UBXN11: variants seen among roughly 807,000 people sequenced by gnomAD.
UBXN11 encodes the protein UBX domain protein 11, also known as UBX domain-containing protein 11.
A neutral mutation model predicts 62.8 loss-of-function variants in UBXN11; 47 were observed. The observed-to-expected ratio is 0.75, with a 90% confidence interval of 0.59 to 0.95. UBXN11 has a LOEUF of 0.95. Among genes scored for constraint, UBXN11 ranks in the 40% least tolerant of loss-of-function variants. The pLI is 0.00. For missense variants in UBXN11, 638 were observed against 661.7 expected, an observed-to-expected ratio of 0.96 and a Z score of 0.39; for synonymous variants, 294 against 267.0, an observed-to-expected ratio of 1.10 and a Z score of -0.99.
In UBXN11 at chr1:26,282,462, A is replaced by C. The variant is rs2124628668; in HGVS notation, c.1400T>G (p.Leu467Arg). The change falls in exon 15 of 15, where the codon CTG (leucine) becomes CGG (arginine). Residue 467 changes from leucine (L) to arginine (R), a missense_variant. Leu to Arg is a moderately radical substitution (Grantham distance 102, BLOSUM62 -2). Transcript: ENST00000374222. ...CGGGGCTCGGCGTGCCCGCAGCAGC[A>C]GTGCTGCTTTGGGCACAAGGCCTGC... is the stretch of plus-strand genomic sequence containing the variant. ...QAAGLVPKAALLLRARRAPKS... is the reference protein window; with the variant it reads ...QAAGLVPKAARLLRARRAPKS... 6.2e-7 allele frequency: 1 copy of C among 1,607,074 alleles called. No individual in the cohort carries two copies. The highest frequency in any genetic ancestry group is 1.1e-5 in the South Asian group (1 of 90,792).
chr1:26,301,771 G>A (rs1431218499), intron 2 of UBXN11, 49 bp from the exon 3 acceptor site: 1 of 1,611,678 alleles, frequency 6.2e-7, no homozygotes, highest in Non-Finnish European at 8.5e-7. Flanking sequence ...AGGGCCCCTG[G>A]AATGATACCA....
Position 26,303,521 on chromosome 1 carries a change from G to C in UBXN11, c.-35-603C>G, listed in dbSNP as rs150679773. On this transcript the variant is annotated intron_variant, in intron 1 of 14. Coordinates refer to ENST00000374222, the MANE Select transcript of UBXN11 (RefSeq NM_001389556.1). ...CTCCTGTAGTCCCAGCTACTTGGGA[G>C]TCTGAGGCACGAGAATCGCTTGAAC... Among the ~76,000 whole-genome samples the C allele has an allele frequency of 6.2e-3, 940 of 151,068 alleles. 10 individuals carry two copies. Among genetic ancestry groups the C allele is most frequent in the African/African-American group, 0.02 (831 of 41,098 alleles).
intron 4 of UBXN11, among the ~76,000 whole-genome samples, chr1:26,298,780 G>GAAAA (rs11368453): frequency 1.8e-4 from 11 of 61,590 alleles, no homozygotes; most frequent in South Asian, 5.2e-4. Context: ...CTCTGTCTCA[G>GAAAA]AAAAAAAAAA....
chr1:26,299,511 CA>C (rs71581050), intron 4 of UBXN11, among the ~76,000 whole-genome samples: 23 of 103,116 alleles, frequency 2.2e-4, no homozygotes, highest in East Asian at 9.9e-4. Flanking sequence ...AGGCAGTCTC[CA>C]AAAAAAAAAA....
Position 26,284,253 on chromosome 1 carries a change from C to T in UBXN11, c.974-8G>A, listed in dbSNP as rs576145944. On this transcript the variant is annotated splice_polypyrimidine_tract_variant and splice_region_variant and intron_variant, in intron 11 of 14. Transcript: ENST00000374222. ...CAGCAGTCATCCTGGAGCCTACAGG[C>T]AGAGTTGGGAACCGGGGCCCAGGAA... The T allele has an allele frequency of 6.2e-7, 1 of 1,609,590 alleles. No homozygotes were observed. Among genetic ancestry groups the T allele is most frequent in the East Asian group, 2.2e-5 (1 of 44,786 alleles).
intron 1 of UBXN11, chr1:26,306,283 C>T (rs1375380179): frequency 6.6e-6 from 1 of 152,370 alleles, no homozygotes; most frequent in East Asian, 1.9e-4. Flanking sequence ...CTGTGCTTGA[C>T]TCACAACATT....
intron 10 of UBXN11, chr1:26,285,031 T>C: frequency 1.0e-6 from 1 of 1,004,724 alleles, no homozygotes; most frequent in Non-Finnish European, 1.2e-6. Context: ...TGGTGGCACC[T>C]ACCCATGGGG....
intron 1 of UBXN11, among the ~76,000 whole-genome samples, chr1:26,305,361 T>C (rs1265068873): frequency 1.3e-5 from 2 of 152,246 alleles, no homozygotes; most frequent in Non-Finnish European, 2.9e-5. Flanking sequence ...ATAATTCACA[T>C]ATTTCACCTT....
At position 26,302,831 on chromosome 1, in the gene UBXN11, G is replaced by A. The variant is rs201437983; in HGVS notation, c.53C>T (p.Ser18Leu). Residue 18 changes from serine (S) to leucine (L), a missense_variant, in exon 2 of 15, where the codon TCG becomes TTG. Transcript: ENST00000374222. ...TCCTTACCCAGGATTCATAGGCTCC[G>A]AGGGCAGGGGCACTTTTCGGGTCTT... The part of the protein sequence containing the change: ...LSKTRKVPLP[S>L]EPMNPGRRGI... 3.3e-4 allele frequency: 531 copies of A among 1,613,768 alleles called. No individual in the cohort carries two copies. The highest frequency in any genetic ancestry group is 3.8e-4 in the Non-Finnish European group (452 of 1,179,810).
At chr1:26,312,979 CAAAAAAAA>C (rs55777309) in intron 1 of UBXN11, among the ~76,000 whole-genome samples, 16 of 48,150 alleles carry the variant, frequency 3.3e-4, no homozygotes, top group South Asian at 1.2e-3. Flanking sequence ...AACTCTGTCT[CAAAAAAAA>C]AAAAAAAAAA....
At chr1:26,318,080 A>G in exon 1 of UBXN11, 1 of 1,613,454 alleles carries the variant, frequency 6.2e-7, no homozygotes, top group Non-Finnish European at 8.5e-7. Context: ...AGGTAAGAGC[A>G]ACGCCTGGCA....
At chr1:26,307,291 AG>A (rs2073689387), upstream of UBXN11, among the ~76,000 whole-genome samples, 1 of 152,184 alleles carries the variant, frequency 6.6e-6, no homozygotes. Context: ...TGGAATTAGG[AG>A]TCCTGGCTCC....
At chr1:26,315,498 A>G (rs577499832) in intron 1 of UBXN11, among the ~76,000 whole-genome samples, 1 of 152,280 alleles carries the variant, frequency 6.6e-6, no homozygotes, top group African/African-American at 2.4e-5. Context: ...GACAGCTGAG[A>G]ACTTGAGTCA....
At chr1:26,313,787 T>TTTC (rs1336552904) in intron 1 of UBXN11, among the ~76,000 whole-genome samples, 1 of 150,248 alleles carries the variant, frequency 6.7e-6, no homozygotes, top group African/African-American at 2.4e-5. Context: ...TTTTTCTTTT[T>TTTC]TTTTTTTTTT....
upstream of UBXN11, chr1:26,306,824 C>CGGGG (rs1344172803): frequency 8.6e-3 from 44 of 5,134 alleles, 1 homozygote; most frequent in African/African-American, 0.013. Context: ...AGGTCCGGGG[C>CGGGG]GGGGTGGGGG....
At chr1:26,288,255 G>T (rs2073176852) in intron 8 of UBXN11, among the ~76,000 whole-genome samples, 1 of 152,114 alleles carries the variant, frequency 6.6e-6, no homozygotes, top group Non-Finnish European at 1.5e-5. Context: ...CCCAGGGCCG[G>T]GGGTTTTTCA....
At chr1:26,317,861 ACC>A (rs1477879951) in intron 1 of UBXN11, 6 of 640,502 alleles carry the variant, frequency 9.4e-6, no homozygotes, top group Admixed American at 2.8e-5. Flanking sequence ...AGGAAGCCAC[ACC>A]CCTCCTCCAC....
In UBXN11 at chr1:26,285,431, C is replaced by A. The variant is rs145375355; in HGVS notation, c.852+33G>T. ...GTGTATCCCCACTCCCTTCAAAATC[C>A]CCAAAGGTGTGGTTTGAGGAGCAGC... On this transcript the variant is annotated intron_variant, in intron 10 of 14. Coordinates refer to ENST00000374222, the MANE Select transcript of UBXN11 (RefSeq NM_001389556.1). 1.4e-4 allele frequency: 226 copies of A among 1,603,478 alleles called. 1 individual carries two copies. The East Asian group carries it at 5.0e-3, about 36-fold the overall frequency.
intron 1 of UBXN11, chr1:26,317,974 AC>A: frequency 6.3e-7 from 1 of 1,583,808 alleles, no homozygotes; most frequent in Non-Finnish European, 8.7e-7. Context: ...CCCTGAGATC[AC>A]CTAAAAAGCT....
Sources: gnomAD v4.1 joint callset for allele counts (sites outside exome capture counted in the v4.1 genomes callset) on GRCh38, gnomAD v4.1.1 for gene constraint, MANE v1.5 for transcripts, NCBI Gene and HGNC (gene_info 2026-07-23, HGNC 2026-07-21) for gene names.